Variants in OLFM3 observed in about 807,000 individuals in gnomAD.
OLFM3 encodes noelin-3.
In OLFM3, 20 loss-of-function variants were observed where a neutral mutation model predicts 48.6. The observed-to-expected ratio is 0.41, with a 90% CI of 0.29 to 0.60. OLFM3 has a LOEUF of 0.60. Ranked by LOEUF, OLFM3 falls within the 20% of genes least tolerant of loss-of-function variation. The probability of loss-of-function intolerance (pLI) is 0.28; values close to 1 mark genes in which losing one functional copy is unlikely to be tolerated. For synonymous variants in OLFM3, 222 were observed against 198.1 expected (o/e 1.12, Z -1.01); for missense variants, 437 against 544.3 (o/e 0.80, Z 1.96).
At chr1:101,836,483 G>A (rs1223385282) in intron 2 of OLFM3, among the ~76,000 whole-genome samples, 2 of 152,144 alleles carry the variant, frequency 1.3e-5, no homozygotes, top group African/African-American at 2.4e-5. Context: ...CATATCACAT[G>A]CAATTATTTT....
intron 4 of OLFM3, chr1:101,812,500 G>T (rs1453450948): frequency 4.1e-6 from 4 of 985,320 alleles, no homozygotes; most frequent in Non-Finnish European, 4.8e-6. Flanking sequence ...AGATGTTGAG[G>T]TGTGCATAAT....
At chr1:101,870,976 A>G (rs1486204507) in intron 1 of OLFM3, among the ~76,000 whole-genome samples, 1 of 152,108 alleles carries the variant, frequency 6.6e-6, no homozygotes, top group Non-Finnish European at 1.5e-5. Context: ...AAAAAAGAAA[A>G]GATCCTGTAT....
chr1:101,940,535 C>G (rs573802222), intron 1 of OLFM3, among the ~76,000 whole-genome samples: 6 of 151,608 alleles, frequency 4.0e-5, no homozygotes, highest in Admixed American at 6.6e-5. Flanking sequence ...ATCTGTCTAT[C>G]TATCTATGTA....
chr1:101,857,049 T>A (rs1656451026), intron 1 of OLFM3, among the ~76,000 whole-genome samples: 1 of 151,984 alleles, frequency 6.6e-6, no homozygotes, highest in African/African-American at 2.4e-5. Context: ...CTATGGGCCC[T>A]GAACACAAGA....
intron 1 of OLFM3, among the ~76,000 whole-genome samples, chr1:101,907,714 A>G (rs1658600326): frequency 6.6e-6 from 1 of 152,248 alleles, no homozygotes; most frequent in Admixed American, 6.5e-5. Context: ...CTTGTAATGA[A>G]GAGACAAAAG....
chr1:101,815,886 A>G (rs1654313745), intron 4 of OLFM3, among the ~76,000 whole-genome samples: 1 of 152,226 alleles, frequency 6.6e-6, no homozygotes, highest in South Asian at 2.1e-4. Context: ...GGGGCTACAT[A>G]TTGCCTCAGA....
At chr1:101,920,594 G>A (rs1204682123) in intron 1 of OLFM3, among the ~76,000 whole-genome samples, 2 of 152,182 alleles carry the variant, frequency 1.3e-5, no homozygotes, top group Non-Finnish European at 2.9e-5. Context: ...TTTGTGTTTA[G>A]TACCTGATTC....
chr1:101,803,065 A>G lies in OLFM3; in HGVS notation c.*1173T>C, dbSNP rs1249481156. 2 of 152,004 alleles carry G rather than the reference A, an allele frequency of 1.3e-5. No homozygotes were observed. The highest frequency in any genetic ancestry group is 3.0e-5 in the Non-Finnish European group (2 of 67,694). The allele number at this position is 152,004 out of a possible 1,614,324, so 9.4% of individuals were successfully genotyped here. ...TGGTTATTTACACTTTTGAAACCAC[A>G]AAGACAACTCCCAAGTCTCCCCATA... On this transcript the variant is annotated 3_prime_UTR_variant, in exon 6 of 6. Coordinates refer to ENST00000370103, the MANE Select transcript of OLFM3 (RefSeq NM_058170.4).
intron 1 of OLFM3, 80 bp from the exon 2 acceptor site, chr1:101,837,105 A>G (rs1199852774): frequency 2.9e-6 from 4 of 1,385,784 alleles, no homozygotes; most frequent in African/African-American, 2.9e-5. Context: ...CATTTCAAGT[A>G]AAACACTTTT....
intron 4 of OLFM3, among the ~76,000 whole-genome samples, chr1:101,810,415 G>A (rs1653993102): frequency 1.3e-5 from 2 of 151,970 alleles, no homozygotes; most frequent in Non-Finnish European, 2.9e-5. Context: ...GGTTGAAACT[G>A]CGGAGCAGAG....
intron 1 of OLFM3, among the ~76,000 whole-genome samples, chr1:101,976,067 C>T (rs1193791258): frequency 3.9e-5 from 6 of 152,078 alleles, no homozygotes; most frequent in Non-Finnish European, 8.8e-5. Flanking sequence ...GGACAGAATA[C>T]AAAAGAACCT....
chr1:101,957,250 G>A (rs796341766), intron 1 of OLFM3, among the ~76,000 whole-genome samples: 3 of 152,066 alleles, frequency 2.0e-5, no homozygotes, highest in African/African-American at 7.2e-5. Context: ...TATCTATATG[G>A]CTTAATCCCA....
chr1:101,865,916 GTTTAT>G (rs1026140162), intron 1 of OLFM3, among the ~76,000 whole-genome samples: 3 of 152,288 alleles, frequency 2.0e-5, no homozygotes, highest in Admixed American at 6.5e-5. Context: ...TTGGTTGAGT[GTTTAT>G]TTTATTTGAT....
At chr1:101,852,090 T>C (rs1364319145) in intron 1 of OLFM3, among the ~76,000 whole-genome samples, 1 of 152,084 alleles carries the variant, frequency 6.6e-6, no homozygotes, top group African/African-American at 2.4e-5. Context: ...TTTCCCTCTT[T>C]AGCAGATCAT....
intron 1 of OLFM3, among the ~76,000 whole-genome samples, chr1:101,946,751 CT>C (rs1011760265): frequency 2.0e-4 from 31 of 152,102 alleles, no homozygotes; most frequent in African/African-American, 7.0e-4. Flanking sequence ...ACTCTATAAA[CT>C]TTTTTTAGTA....
intron 2 of OLFM3, 145 bp from the exon 3 acceptor site, chr1:101,830,972 C>T (rs1655121914): frequency 4.7e-6 from 3 of 642,070 alleles, no homozygotes; most frequent in Admixed American, 6.4e-5. Flanking sequence ...TTCAGAAGAA[C>T]AATTCTTCAT....
intron 1 of OLFM3, among the ~76,000 whole-genome samples, chr1:101,947,882 A>C (rs931105969): frequency 6.6e-6 from 1 of 152,186 alleles, no homozygotes; most frequent in African/African-American, 2.4e-5. Flanking sequence ...TTCTGTATTA[A>C]TTTACTTAGA....
intron 1 of OLFM3, among the ~76,000 whole-genome samples, chr1:101,942,515 G>A (rs1201978065): frequency 6.6e-6 from 1 of 152,126 alleles, no homozygotes; most frequent in Non-Finnish European, 1.5e-5. Context: ...CCTTCTGTAT[G>A]TTTCTAAGAC....
chr1:101,893,009 A>G (rs1361558808), intron 1 of OLFM3: 1 of 153,332 alleles, frequency 6.5e-6, no homozygotes, highest in Non-Finnish European at 1.5e-5. Context: ...TCATTCATTT[A>G]TTCATTCTAA....
Sources: gnomAD v4.1 joint callset for allele counts (sites outside exome capture counted in the v4.1 genomes callset) on GRCh38, gnomAD v4.1.1 for gene constraint, MANE v1.5 for transcripts, NCBI Gene and HGNC (gene_info 2026-07-23, HGNC 2026-07-21) for gene names.